The following CYP4F22 variants were observed in gnomAD, a reference collection of about 807,000 sequenced individuals.
CYP4F22 encodes ultra-long-chain fatty acid omega-hydroxylase.
In CYP4F22, 37 loss-of-function variants were observed where a neutral mutation model predicts 60.4. The ratio of observed to expected loss-of-function variants is 0.61; its 90% confidence interval spans 0.47 to 0.81. CYP4F22 has a LOEUF of 0.81. CYP4F22 is among the 30% of genes least tolerant of loss of function. The pLI is 0.00. For synonymous variants in CYP4F22, 258 were observed against 280.5 expected, an observed-to-expected ratio of 0.92 and a Z score of 0.80; for missense variants, 655 against 715.0, an observed-to-expected ratio of 0.92 and a Z score of 0.96.
At chr19:15,515,243 C>A in intron 1 of CYP4F22, 1 of 717,162 alleles carries the variant, frequency 1.4e-6, no homozygotes, top group South Asian at 1.4e-5. Flanking sequence ...CGTCTCTCGG[C>A]CCACTAGAGG....
At chr19:15,526,335 T>C (rs1358684688) in intron 3 of CYP4F22, among the ~76,000 whole-genome samples, 1 of 152,188 alleles carries the variant, frequency 6.6e-6, no homozygotes, top group African/African-American at 2.4e-5. Context: ...TGGTCCTAGG[T>C]GAGGACTCTT....
intron 1 of CYP4F22, chr19:15,516,687 A>G (rs1166506493): frequency 2.0e-6 from 1 of 507,302 alleles, no homozygotes; most frequent in South Asian, 2.0e-5. Context: ...TGAGAGGAGC[A>G]ATGGATAAGA....
At chr19:15,542,628 T>C (rs1477256191) in intron 8 of CYP4F22, among the ~76,000 whole-genome samples, 1 of 152,084 alleles carries the variant, frequency 6.6e-6, no homozygotes, top group African/African-American at 2.4e-5. Flanking sequence ...GCCATGGTGG[T>C]TTACTGCACC....
At chr19:15,511,786 G>A (rs867087296) in intron 1 of CYP4F22, among the ~76,000 whole-genome samples, 19 of 152,298 alleles carry the variant, frequency 1.2e-4, no homozygotes, top group East Asian at 1.9e-4. Context: ...GCCTGGGTCC[G>A]TGCCCTCCAC....
chr19:15,529,637 G>A (rs1971319893), intron 3 of CYP4F22, 72 bp from the exon 4 acceptor site: 2 of 1,593,786 alleles, frequency 1.3e-6, no homozygotes, highest in African/African-American at 2.7e-5. Context: ...ACTACAGGAG[G>A]TGGCAGGAGG....
chr19:15,552,137 G>A lies in CYP4F22; in HGVS notation c.*666G>A, dbSNP rs1568365574. ...CCAAAGATCCTTTGCTGAGTGTTCT[G>A]TTTTTGCAGAATAAAAGCAAAGGAT... On this transcript the variant is annotated 3_prime_UTR_variant, in exon 14 of 14. Transcript: ENST00000269703. The A allele has an allele frequency of 6.6e-6, 1 of 152,318 alleles. No individual in the cohort carries two copies. Among genetic ancestry groups the A allele is most frequent in the African/African-American group, 2.4e-5 (1 of 41,438 alleles). 9.4% of individuals were successfully genotyped at this position (152,318 alleles called of 1,614,324 possible).
At chr19:15,533,251 A>G (rs528546503) in intron 4 of CYP4F22, among the ~76,000 whole-genome samples, 20 of 152,244 alleles carry the variant, frequency 1.3e-4, no homozygotes, top group Non-Finnish European at 2.6e-4. Context: ...TTTAAAATGG[A>G]GGTGAAATTC....
Position 15,515,408 on chromosome 19 carries a change from A to G in CYP4F22, c.-109+6825A>G, listed in dbSNP as rs971756579. The G allele has an allele frequency of 2.8e-4, 343 of 1,216,380 alleles. 4 individuals carry two copies. The highest frequency in any genetic ancestry group is 2.8e-4 in the Admixed American group (16 of 57,258). 75.3% of individuals were successfully genotyped at this position (1,216,380 alleles called of 1,614,324 possible). ...GGCATCTCTGTACTTTGTTGGTCCA[A>G]CTCAGACAGCAACTTTAAGGTGTTC... is the stretch of plus-strand genomic sequence containing the variant. On this transcript the variant is annotated intron_variant, in intron 1 of 13. Coordinates refer to ENST00000269703, the MANE Select transcript of CYP4F22 (RefSeq NM_173483.4).
intron 11 of CYP4F22, 98 bp from the exon 12 acceptor site, chr19:15,549,040 A>G (rs1971564826): frequency 7.3e-7 from 1 of 1,375,614 alleles, no homozygotes; most frequent in African/African-American, 1.4e-5. Flanking sequence ...CAGATGGCTC[A>G]TGGGAACATC....
At chr19:15,535,716 A>G (rs940209750) in intron 4 of CYP4F22, among the ~76,000 whole-genome samples, 2 of 152,012 alleles carry the variant, frequency 1.3e-5, no homozygotes, top group Middle Eastern at 3.2e-3. Context: ...CTATTCATCC[A>G]TCCACTTATT....
intron 7 of CYP4F22, among the ~76,000 whole-genome samples, chr19:15,539,453 G>A (rs1358518845): frequency 3.3e-5 from 5 of 152,156 alleles, no homozygotes; most frequent in Admixed American, 3.3e-4. Context: ...GATGGACACT[G>A]TTTCCACTTT....
intron 1 of CYP4F22, among the ~76,000 whole-genome samples, chr19:15,512,934 G>A (rs1042757978): frequency 6.6e-6 from 1 of 151,984 alleles, no homozygotes; most frequent in African/African-American, 2.4e-5. Flanking sequence ...CCCCTGTCCC[G>A]AGTTCTTTCA....
At chr19:15,529,882 T>C (rs1421800132) in intron 4 of CYP4F22, 29 bp downstream of exon 4, 1 of 1,613,398 alleles carries the variant, frequency 6.2e-7, no homozygotes, top group Admixed American at 1.7e-5. Context: ...CGATCTATGG[T>C]TGAGTCCTCA....
At chr19:15,543,184 G>A (rs1270664701) in intron 8 of CYP4F22, among the ~76,000 whole-genome samples, 4 of 152,064 alleles carry the variant, frequency 2.6e-5, no homozygotes, top group Admixed American at 6.6e-5. Flanking sequence ...TTGTAAAAGC[G>A]TTCCTATTTC....
Position 15,545,781 on chromosome 19 carries a change from C to G in CYP4F22, c.1136+1502C>G, listed in dbSNP as rs1447070000. Among the ~76,000 whole-genome samples, 3 of 152,018 alleles carry G rather than the reference C, an allele frequency of 2.0e-5. No individual in the cohort carries two copies. In the East Asian group the frequency reaches 5.8e-4, roughly 29 times the overall value. On this transcript the variant is annotated intron_variant, in intron 10 of 13. Transcript: ENST00000269703. ...TCTATTTCAACCTTTTGCCTTATGG[C>G]CTCAGGGGGACATGCTCAGTGGGGT...
chr19:15,551,570 A>G lies in CYP4F22; in HGVS notation c.*99A>G. On this transcript the variant is annotated 3_prime_UTR_variant, in exon 14 of 14. Transcript: ENST00000269703. ...CCGAGGGCATAGGCCACCCCCCTCGAAGTTCAGGTTCAGCTCCTGGATGAC... is the reference window on the plus strand; with the variant it reads ...CCGAGGGCATAGGCCACCCCCCTCGGAGTTCAGGTTCAGCTCCTGGATGAC... The G allele has an allele frequency of 7.1e-7, 1 of 1,404,566 alleles. No individual in the cohort carries two copies. The allele number at this position is 1,404,566 out of a possible 1,614,324, so 87.0% of individuals were successfully genotyped here. A position where few individuals can be genotyped will look rare whatever the true frequency, so the allele number is the denominator to read the frequency against.
At chr19:15,542,060 C>T (rs533706951) in intron 8 of CYP4F22, among the ~76,000 whole-genome samples, 1 of 152,046 alleles carries the variant, frequency 6.6e-6, no homozygotes, top group African/African-American at 2.4e-5. Context: ...CTCAGTTTCT[C>T]CATTTATACC....
In CYP4F22 at chr19:15,509,945, C is replaced by CTTTCT. The variant is rs778594290; in HGVS notation, c.-109+1365_-109+1366insCTTTT. On this transcript the variant is annotated intron_variant, in intron 1 of 13. Transcript: ENST00000269703. Reference sequence around the variant, plus strand: ...TCCTTCTTTCTTTCTTTCTTTCTTTCTTTTCTCTGTCTCTCTCTCTTTCTT... The same window carrying CTTTCT: ...TCCTTCTTTCTTTCTTTCTTTCTTTCTTTCTTTTTCTCTGTCTCTCTCTCTTTCTT... Among the ~76,000 whole-genome samples the CTTTCT allele has an allele frequency of 9.0e-5, 12 of 132,776 alleles. 1 individual carries two copies. Among genetic ancestry groups the CTTTCT allele is most frequent in the Non-Finnish European group, 1.9e-4 (12 of 63,214 alleles). The allele number at this position is 132,776 out of a possible 152,430, so 87.1% of individuals were successfully genotyped here.
At chr19:15,529,656 G>A in intron 3 of CYP4F22, 53 bp from the exon 4 acceptor site, 5 of 1,609,312 alleles carry the variant, frequency 3.1e-6, no homozygotes, top group Admixed American at 1.7e-5. Flanking sequence ...GGAAGGCAGT[G>A]GGGGAAGCTG....
Sources: allele counts gnomAD v4.1 joint callset (sites outside exome capture counted in the v4.1 genomes callset), GRCh38; gene constraint gnomAD v4.1.1; transcripts MANE v1.5; gene names NCBI Gene and HGNC (gene_info 2026-07-23, HGNC 2026-07-21).